Variants in ALKBH3 observed in about 807,000 individuals in gnomAD.
ALKBH3 encodes alpha-ketoglutarate-dependent dioxygenase alkB homolog 3.
ALKBH3 carries 51 observed loss-of-function variants against 43.9 expected under a neutral mutation model. The observed-to-expected ratio is 1.16, with a 90% CI of 0.93 to 1.47. The LOEUF (loss-of-function observed/expected upper bound fraction) is 1.47. Among genes scored for constraint, ALKBH3 ranks in the 40% most tolerant of loss-of-function variants. ALKBH3 has a pLI of 0.00. For synonymous variants in ALKBH3, 102 were observed against 115.2 expected (o/e 0.89, Z 0.73); for missense variants, 361 against 351.9 (o/e 1.03, Z -0.21).
chr11:43,918,628 G>T (rs1160264074), intron 8 of ALKBH3, among the ~76,000 whole-genome samples: 1 of 152,216 alleles, frequency 6.6e-6, no homozygotes, highest in Non-Finnish European at 1.5e-5. Flanking sequence ...ATGTCAAAAT[G>T]TAGAGCACAA....
chr11:43,902,616 G>C (rs1270097589), intron 8 of ALKBH3, among the ~76,000 whole-genome samples: 1 of 152,228 alleles, frequency 6.6e-6, no homozygotes, highest in African/African-American at 2.4e-5. Context: ...GTTTTTTAGA[G>C]AGGGAGTCTC....
At chr11:43,902,024 T>A (rs7929169) in intron 8 of ALKBH3, among the ~76,000 whole-genome samples, 127,249 of 152,178 alleles carry the variant, frequency 0.84, 54,080 homozygotes, top group East Asian at 0.98. Flanking sequence ...AAATATTGCC[T>A]ATTACTCAAA....
chr11:43,900,887 G>A (rs1951859106), intron 7 of ALKBH3, among the ~76,000 whole-genome samples: 1 of 152,156 alleles, frequency 6.6e-6, no homozygotes, highest in South Asian at 2.1e-4. Flanking sequence ...TAAGTCTTCT[G>A]TAGTTGATGG....
intron 4 of ALKBH3, among the ~76,000 whole-genome samples, chr11:43,885,032 A>G (rs1308427957): frequency 3.3e-5 from 5 of 152,176 alleles, no homozygotes; most frequent in Admixed American, 1.3e-4. Flanking sequence ...CTGATATTAC[A>G]GGGATGAGCT....
rs1237903229 is a variant in ALKBH3 at position 43,884,072 on chromosome 11, G to A, written c.218+55G>A. The A allele has an allele frequency of 2.5e-6, 4 of 1,600,982 alleles. No individual in the cohort carries two copies. In the African/African-American group the frequency reaches 5.4e-5, roughly 21 times the overall value. On this transcript the variant is annotated intron_variant, in intron 4 of 9. Transcript: ENST00000302708. Reference sequence around the variant, plus strand: ...TTGCCCACAGTGAAATGAAGAGCCTGGAATCTTTCCTCACTGTTTTTTCTA... The same window carrying A: ...TTGCCCACAGTGAAATGAAGAGCCTAGAATCTTTCCTCACTGTTTTTTCTA...
intron 8 of ALKBH3, among the ~76,000 whole-genome samples, chr11:43,912,944 T>A (rs1381376492): frequency 6.6e-6 from 1 of 152,152 alleles, no homozygotes; most frequent in Non-Finnish European, 1.5e-5. Flanking sequence ...GGGCCTTGGT[T>A]AATACATGGA....
In ALKBH3 at chr11:43,883,995, G is replaced by A. The variant is rs1188559051; in HGVS notation, c.196G>A (p.Ala66Thr). The A allele has an allele frequency of 1.2e-6, 2 of 1,613,924 alleles. No individual in the cohort carries two copies. The highest frequency in any genetic ancestry group is 1.7e-6 in the Non-Finnish European group (2 of 1,179,906). ...TATTTCCTTGCAGGTAGTACGTAGAGCTCCTGAGCCACGAGTGATTGAGTA... is the reference window on the plus strand; with the variant it reads ...TATTTCCTTGCAGGTAGTACGTAGAACTCCTGAGCCACGAGTGATTGAGTA... ...FKEPQQVVRRAPEPRVIDREG... is the reference protein window; with the variant it reads ...FKEPQQVVRRTPEPRVIDREG... Residue 66 changes from alanine (A) to threonine (T), a missense_variant, in exon 4 of 10, where the codon GCT becomes ACT. Ala to Thr is a moderately conservative substitution (Grantham distance 58, BLOSUM62 0). Coordinates refer to ENST00000302708, the MANE Select transcript of ALKBH3 (RefSeq NM_139178.4).
rs1439456560 is a variant in ALKBH3 at position 43,888,085 on chromosome 11, C to CCATACGTGGCCTAGGA, written c.266+1432_266+1433insCATACGTGGCCTAGGA. On this transcript the variant is annotated intron_variant, in intron 5 of 9. Transcript: ENST00000302708. ...GTGCTGGGATTACAGGCATGAGCCACTGCGCCTGGCAGTCTTTCTGTTTTT... is the reference window on the plus strand; with the variant it reads ...GTGCTGGGATTACAGGCATGAGCCACCATACGTGGCCTAGGATGCGCCTGGCAGTCTTTCTGTTTTT... Among the ~76,000 whole-genome samples, 43 of 96,674 alleles carry CCATACGTGGCCTAGGA rather than the reference C, an allele frequency of 4.4e-4. 8 individuals are homozygous for CCATACGTGGCCTAGGA. The highest frequency in any genetic ancestry group is 1.6e-3 in the East Asian group (4 of 2,558). The allele number at this position is 96,674 out of a possible 152,430, so 63.4% of individuals were successfully genotyped here. A position where few individuals can be genotyped will look rare whatever the true frequency, so the allele number is the denominator to read the frequency against.
intron 7 of ALKBH3, among the ~76,000 whole-genome samples, chr11:43,892,689 G>A (rs1951792758): frequency 6.6e-6 from 1 of 152,232 alleles, no homozygotes; most frequent in South Asian, 2.1e-4. Flanking sequence ...TCATCCAGGG[G>A]ATAGAGTTAA....
intron 8 of ALKBH3, among the ~76,000 whole-genome samples, chr11:43,905,867 CA>C (rs1356891131): frequency 2.6e-5 from 4 of 152,074 alleles, no homozygotes; most frequent in African/African-American, 9.7e-5. Flanking sequence ...CTGAAAAAAA[CA>C]AGCTGGAAAA....
intron 5 of ALKBH3, among the ~76,000 whole-genome samples, chr11:43,889,114 C>T (rs975734536): frequency 5.3e-5 from 8 of 152,106 alleles, no homozygotes; most frequent in Admixed American, 1.3e-4. Context: ...CTGCAACCTC[C>T]ACCCCCGGGT....
chr11:43,912,078 G>A lies in ALKBH3; in HGVS notation c.670-6960G>A, dbSNP rs564464117. 1.8e-3 allele frequency among the ~76,000 whole-genome samples: 268 copies of A among 152,230 alleles called. 2 individuals carry two copies. Among genetic ancestry groups the A allele is most frequent in the African/African-American group, 5.8e-3 (242 of 41,530 alleles). On this transcript the variant is annotated intron_variant, in intron 8 of 9. Coordinates refer to ENST00000302708, the MANE Select transcript of ALKBH3 (RefSeq NM_139178.4). Reference sequence around the variant, plus strand: ...GCAGAGGTTGCAGTGAGTCGAGATCGCACCACTGCACTCCAGCCTGGGCCA... The same window carrying A: ...GCAGAGGTTGCAGTGAGTCGAGATCACACCACTGCACTCCAGCCTGGGCCA...
chr11:43,894,042 T>A (rs1337876664), intron 7 of ALKBH3, among the ~76,000 whole-genome samples: 1 of 152,224 alleles, frequency 6.6e-6, no homozygotes, highest in African/African-American at 2.4e-5. Flanking sequence ...TTCACTAATG[T>A]ATGTATATAT....
chr11:43,882,444 A>G (rs528886848), intron 1 of ALKBH3, 139 bp from the exon 2 acceptor site: 773 of 443,540 alleles, frequency 1.7e-3, no homozygotes, highest in Non-Finnish European at 2.7e-3. Flanking sequence ...CTTGAATGAA[A>G]TGTTGTGATG....
At chr11:43,913,561 T>C (rs1951958455) in intron 8 of ALKBH3, among the ~76,000 whole-genome samples, 1 of 152,242 alleles carries the variant, frequency 6.6e-6, no homozygotes, top group African/African-American at 2.4e-5. Flanking sequence ...ATTGTACGTG[T>C]ATTTGATATT....
chr11:43,903,437 C>G (rs1951875901), intron 8 of ALKBH3, among the ~76,000 whole-genome samples: 1 of 152,190 alleles, frequency 6.6e-6, no homozygotes, highest in South Asian at 2.1e-4. Flanking sequence ...AGTTCAGACC[C>G]TCTTCTCAAG....
chr11:43,889,689 A>G (rs367974114), intron 5 of ALKBH3, 36 bp from the exon 6 acceptor site: 28 of 1,568,616 alleles, frequency 1.8e-5, no homozygotes, highest in Admixed American at 3.3e-5. Flanking sequence ...TATCTTTTCC[A>G]TGTTTTTTGG....
chr11:43,881,967 G>A (rs1951714682), intron 1 of ALKBH3, among the ~76,000 whole-genome samples: 1 of 152,220 alleles, frequency 6.6e-6, no homozygotes, highest in Admixed American at 6.5e-5. Context: ...GTTAGCTGGA[G>A]ACAGGAGTTT....
At chr11:43,899,751 C>T in intron 7 of ALKBH3, 1 of 244,820 alleles carries the variant, frequency 4.1e-6, no homozygotes, top group Non-Finnish European at 7.9e-6. Flanking sequence ...AACTCTGATC[C>T]TACCTTAACT....
Sources: gnomAD v4.1 joint callset for allele counts (sites outside exome capture counted in the v4.1 genomes callset) on GRCh38, gnomAD v4.1.1 for gene constraint, MANE v1.5 for transcripts, NCBI Gene and HGNC (gene_info 2026-07-23, HGNC 2026-07-21) for gene names.